The following RANBP2 variants were observed in gnomAD, a reference collection of about 807,000 sequenced individuals.
RANBP2 encodes the protein RAN binding protein 2.
A neutral mutation model predicts 303.6 loss-of-function variants in RANBP2; 57 were observed. The observed-to-expected ratio is 0.19, with a 90% CI of 0.15 to 0.23. The LOEUF (loss-of-function observed/expected upper bound fraction) is 0.23. Among genes scored for constraint, RANBP2 ranks in the 10% least tolerant of loss-of-function variants. The pLI, the probability that RANBP2 is intolerant of heterozygous loss-of-function variation, is 1.00. For missense variants in RANBP2, 3,138 were observed against 3,780.8 expected (o/e 0.83, Z 4.46); for synonymous variants, 1,167 against 1,301.5 (o/e 0.90, Z 2.23).
chr2:109,600,723 A>G, the RANBP2 span, among the ~76,000 whole-genome samples: 1 of 152,102 alleles, frequency 6.6e-6, no homozygotes, highest in Non-Finnish European at 1.5e-5. Flanking sequence ...GAGATCCCAC[A>G]GACTGAGGGC....
the RANBP2 span, among the ~76,000 whole-genome samples, chr2:109,508,472 C>T: frequency 0.29 from 43,556 of 151,982 alleles, 8,779 homozygotes; most frequent in East Asian, 0.59. Flanking sequence ...TGCAAAAGCA[C>T]GCGTCTTCCG....
chr2:109,002,026 A>G, the RANBP2 span, among the ~76,000 whole-genome samples: 1 of 152,148 alleles, frequency 6.6e-6, no homozygotes, highest in East Asian at 1.9e-4. Flanking sequence ...CACTGCGCCC[A>G]GCCCATTAAA....
At chr2:109,229,982 G>A in the RANBP2 span, among the ~76,000 whole-genome samples, 4 of 151,908 alleles carry the variant, frequency 2.6e-5, no homozygotes, top group African/African-American at 9.7e-5. Context: ...ACGCCAGTAT[G>A]CCCGGCTAAT....
chr2:109,424,502 G>A, the RANBP2 span, among the ~76,000 whole-genome samples: 1 of 152,028 alleles, frequency 6.6e-6, no homozygotes, highest in African/African-American at 2.4e-5. Flanking sequence ...TTGAAGCTTC[G>A]GGGCAACCCA....
At chr2:109,010,364 C>T in the RANBP2 span, among the ~76,000 whole-genome samples, 3 of 150,652 alleles carry the variant, frequency 2.0e-5, no homozygotes, top group Non-Finnish European at 4.4e-5. Flanking sequence ...TCCCATCCTG[C>T]TTTCTCCCCA....
chr2:109,201,134 C>T, the RANBP2 span, among the ~76,000 whole-genome samples: 39 of 152,348 alleles, frequency 2.6e-4, no homozygotes, highest in African/African-American at 7.7e-4. Context: ...ATATCAGGTA[C>T]GGCTCTGGCT....
At chr2:109,362,489 T>G in the RANBP2 span, among the ~76,000 whole-genome samples, 1 of 152,186 alleles carries the variant, frequency 6.6e-6, no homozygotes, top group Non-Finnish European at 1.5e-5. Context: ...CAGAATATGG[T>G]CTGTCCTGGT....
the RANBP2 span, among the ~76,000 whole-genome samples, chr2:109,358,963 G>A: frequency 6.6e-6 from 1 of 152,062 alleles, no homozygotes; most frequent in African/African-American, 2.4e-5. Flanking sequence ...TTTTTGTGAG[G>A]GGTGGAATGT....
the RANBP2 span, among the ~76,000 whole-genome samples, chr2:109,351,574 G>A: frequency 6.6e-6 from 1 of 152,196 alleles, no homozygotes; most frequent in Non-Finnish European, 1.5e-5. Flanking sequence ...GCCTTGCCAG[G>A]CAGCTGCATT....
chr2:108,828,396 C>T, the RANBP2 span, among the ~76,000 whole-genome samples: 2 of 151,994 alleles, frequency 1.3e-5, no homozygotes, highest in African/African-American at 4.8e-5. Context: ...CAATGAAAAG[C>T]CAAAACAACC....
the RANBP2 span, among the ~76,000 whole-genome samples, chr2:109,195,839 T>C: frequency 6.6e-6 from 1 of 152,214 alleles, no homozygotes; most frequent in Non-Finnish European, 1.5e-5. Flanking sequence ...TGTCGCCTGA[T>C]CCCGGCATGG....
At chr2:108,979,559 G>A in the RANBP2 span, among the ~76,000 whole-genome samples, 1 of 152,048 alleles carries the variant, frequency 6.6e-6, no homozygotes. Context: ...GTAAGCTAGG[G>A]GCATGTCAGG....
the RANBP2 span, among the ~76,000 whole-genome samples, chr2:109,471,599 T>C: frequency 6.6e-6 from 1 of 152,152 alleles, no homozygotes; most frequent in Non-Finnish European, 1.5e-5. Context: ...TTGGAACAGC[T>C]CATGTAGGCC....
the RANBP2 span, among the ~76,000 whole-genome samples, chr2:109,295,849 C>T: frequency 6.6e-6 from 1 of 152,148 alleles, no homozygotes; most frequent in Non-Finnish European, 1.5e-5. Context: ...CTCTGTGTAG[C>T]TTGAAGCTGG....
chr2:108,747,167 CG>C (rs1558896139), intron 8 of RANBP2, among the ~76,000 whole-genome samples: 1 of 152,122 alleles, frequency 6.6e-6, no homozygotes, highest in East Asian at 1.9e-4. Flanking sequence ...GAAGAAGATA[CG>C]GATCTGTCTT....
chr2:108,793,140 G>C, the RANBP2 span, among the ~76,000 whole-genome samples: 1 of 150,718 alleles, frequency 6.6e-6, no homozygotes, highest in African/African-American at 2.4e-5. Context: ...GGCGGATCAC[G>C]AGGTCAGGAG....
At chr2:108,737,111 G>A (rs1378692389) in intron 6 of RANBP2, among the ~76,000 whole-genome samples, 1 of 151,890 alleles carries the variant, frequency 6.6e-6, no homozygotes, top group African/African-American at 2.4e-5. Context: ...AGTGCAGGGA[G>A]TAGGTAATTT....
chr2:109,398,980 T>G, the RANBP2 span: 5 of 1,563,290 alleles, frequency 3.2e-6, no homozygotes, highest in South Asian at 5.9e-5. Context: ...ATCCCTGGGT[T>G]CTCTGGGGTT....
At chr2:108,919,365 T>A in the RANBP2 span, among the ~76,000 whole-genome samples, 1 of 152,142 alleles carries the variant, frequency 6.6e-6, no homozygotes, top group African/African-American at 2.4e-5. Flanking sequence ...TTTTATTTAT[T>A]TATTTATTTA....
Sources: allele counts gnomAD v4.1 joint callset (sites outside exome capture counted in the v4.1 genomes callset), GRCh38; gene constraint gnomAD v4.1.1; transcripts MANE v1.5; gene names NCBI Gene and HGNC (gene_info 2026-07-23, HGNC 2026-07-21).